SLC44A5: variants seen among roughly 807,000 people sequenced by gnomAD.
SLC44A5 encodes the protein solute carrier family 44 member 5.
SLC44A5 carries 57 observed loss-of-function variants against 101.8 expected under a neutral mutation model. The ratio of observed to expected loss-of-function variants is 0.56; its 90% CI spans 0.45 to 0.70. SLC44A5 has a LOEUF of 0.70. SLC44A5 is among the 30% of genes least tolerant of loss of function. SLC44A5 has a pLI of 0.00. For missense variants in SLC44A5, 737 were observed against 853.1 expected (o/e 0.86, Z 1.70); for synonymous variants, 281 against 290.9 (o/e 0.97, Z 0.35).
the SLC44A5 span, among the ~76,000 whole-genome samples, chr1:75,697,669 C>G: frequency 1.3e-5 from 2 of 152,166 alleles, no homozygotes; most frequent in South Asian, 4.1e-4. Context: ...CGAATAGGGA[C>G]AGCTCCAGTC....
intron 4 of SLC44A5, among the ~76,000 whole-genome samples, chr1:75,307,239 G>T (rs928219184): frequency 5.3e-5 from 8 of 152,116 alleles, no homozygotes; most frequent in Non-Finnish European, 1.0e-4. Context: ...TTTGAAAATT[G>T]TTGGTGTCAC....
chr1:75,667,541 C>G, the SLC44A5 span, among the ~76,000 whole-genome samples: 1 of 152,196 alleles, frequency 6.6e-6, no homozygotes, highest in Non-Finnish European at 1.5e-5. Context: ...CCCCATCAAG[C>G]TACCATTAAC....
the SLC44A5 span, among the ~76,000 whole-genome samples, chr1:75,692,437 C>T: frequency 2.6e-4 from 39 of 152,060 alleles, 1 homozygote; most frequent in South Asian, 3.9e-3. Flanking sequence ...CCTTGTGATC[C>T]GCCCGCCTCA....
At chr1:75,241,948 A>G in intron 9 of SLC44A5, 53 bp downstream of exon 9, 4 of 1,454,676 alleles carry the variant, frequency 2.7e-6, no homozygotes, top group Non-Finnish European at 3.9e-6. Flanking sequence ...GAACTTAATT[A>G]AGTAGCATTT....
At chr1:75,389,695 C>A (rs1249829) in intron 3 of SLC44A5, among the ~76,000 whole-genome samples, 2 of 152,132 alleles carry the variant, frequency 1.3e-5, no homozygotes, top group Non-Finnish European at 2.9e-5. Context: ...GCACTACATA[C>A]CTATATTGAG....
chr1:75,541,807 G>T (rs1418406793), intron 1 of SLC44A5, among the ~76,000 whole-genome samples: 4 of 151,948 alleles, frequency 2.6e-5, no homozygotes, highest in Non-Finnish European at 5.9e-5. Flanking sequence ...CGTTCCCCCT[G>T]TAAAATGCAC....
At chr1:75,540,264 A>G (rs888220596) in intron 2 of SLC44A5, among the ~76,000 whole-genome samples, 3 of 152,202 alleles carry the variant, frequency 2.0e-5, no homozygotes, top group Admixed American at 2.0e-4. Context: ...TATTTTTTAC[A>G]GATGCGCAAA....
intron 1 of SLC44A5, among the ~76,000 whole-genome samples, chr1:75,572,762 C>T (rs377233893): frequency 6.6e-6 from 1 of 151,806 alleles, no homozygotes; most frequent in Non-Finnish European, 1.5e-5. Flanking sequence ...TTGATATGAT[C>T]ATATGTGGAA....
chr1:75,648,036 T>G, the SLC44A5 span, among the ~76,000 whole-genome samples: 2 of 152,180 alleles, frequency 1.3e-5, no homozygotes, highest in Non-Finnish European at 2.9e-5. Context: ...CTGGCTCTGT[T>G]TCCCCACCCA....
At chr1:75,550,585 A>G (rs1367112606) in intron 1 of SLC44A5, among the ~76,000 whole-genome samples, 1 of 152,116 alleles carries the variant, frequency 6.6e-6, no homozygotes, top group African/African-American at 2.4e-5. Flanking sequence ...AAAAAAGATC[A>G]TTATTTGAAC....
the SLC44A5 span, among the ~76,000 whole-genome samples, chr1:75,682,481 C>A: frequency 1.3e-5 from 2 of 151,656 alleles, no homozygotes; most frequent in African/African-American, 4.9e-5. Flanking sequence ...CTTTGACAAA[C>A]CTGAGAAAAA....
At chr1:75,209,649 A>G (rs1470526564) in intron 23 of SLC44A5, among the ~76,000 whole-genome samples, 2 of 152,348 alleles carry the variant, frequency 1.3e-5, no homozygotes, top group African/African-American at 4.8e-5. Flanking sequence ...TGATTTTAAC[A>G]GGCTCAGAAA....
intron 2 of SLC44A5, among the ~76,000 whole-genome samples, chr1:75,482,080 C>T (rs371409486): frequency 1.3e-5 from 2 of 152,072 alleles, no homozygotes; most frequent in African/African-American, 2.4e-5. Context: ...CCATGGAATA[C>T]TATGCAGCCA....
chr1:75,634,460 CAG>C, the SLC44A5 span, among the ~76,000 whole-genome samples: 763 of 151,774 alleles, frequency 5.0e-3, 11 homozygotes, highest in African/African-American at 0.018. Flanking sequence ...GGTACCAAAA[CAG>C]AGATATAGAT....
In SLC44A5 at chr1:75,610,136, T is replaced by TACACACACAC. The variant is rs144198306; in HGVS notation, c.-70+894_-70+903dup. ...CAAGACTTCTATGCAAGTCAAGAAATACACACACACACACACACACACACA... is the reference window on the plus strand; with the variant it reads ...CAAGACTTCTATGCAAGTCAAGAAATACACACACACACACACACACACACACACACACACA... On this transcript the variant is annotated intron_variant, in intron 1 of 23. Coordinates refer to ENST00000370859, the MANE Select transcript of SLC44A5 (RefSeq NM_001130058.2). Among the ~76,000 whole-genome samples, 1,291 of 144,308 alleles carry TACACACACAC rather than the reference T, an allele frequency of 8.9e-3. 10 individuals are homozygous for TACACACACAC. Among genetic ancestry groups the TACACACACAC allele is most frequent in the East Asian group, 0.025 (117 of 4,718 alleles). 94.7% of individuals were successfully genotyped at this position (144,308 alleles called of 152,430 possible).
At chr1:75,651,443 T>C in the SLC44A5 span, among the ~76,000 whole-genome samples, 2 of 152,058 alleles carry the variant, frequency 1.3e-5, no homozygotes, top group Non-Finnish European at 2.9e-5. Flanking sequence ...TCCAAAACAA[T>C]ACTCGCACTC....
At chr1:75,427,905 A>G (rs916185485) in intron 2 of SLC44A5, among the ~76,000 whole-genome samples, 2 of 152,204 alleles carry the variant, frequency 1.3e-5, no homozygotes, top group African/African-American at 2.4e-5. Flanking sequence ...CTCTTTCCCT[A>G]TAGCACATGG....
chr1:75,633,948 C>CA, the SLC44A5 span, among the ~76,000 whole-genome samples: 36,962 of 151,924 alleles, frequency 0.24, 4,987 homozygotes, highest in Middle Eastern at 0.36. Flanking sequence ...TGAATTTTGT[C>CA]AAAGGCCTTT....
At chr1:75,442,456 G>T (rs374675688) in intron 2 of SLC44A5, among the ~76,000 whole-genome samples, 9 of 152,146 alleles carry the variant, frequency 5.9e-5, no homozygotes, top group African/African-American at 2.2e-4. Flanking sequence ...CCCTTTGTCT[G>T]CTTATTCCAA....
Sources: gnomAD v4.1 joint callset for allele counts (sites outside exome capture counted in the v4.1 genomes callset) on GRCh38, gnomAD v4.1.1 for gene constraint, MANE v1.5 for transcripts, NCBI Gene and HGNC (gene_info 2026-07-23, HGNC 2026-07-21) for gene names.